GALNT2: variants seen among roughly 807,000 people sequenced by gnomAD.
GALNT2 encodes polypeptide N-acetylgalactosaminyltransferase 2, also known as UDP-GalNAc:polypeptide N-acetylgalactosaminyltransferase 2.
A neutral mutation model predicts 81.4 loss-of-function variants in GALNT2; 31 were observed. The observed-to-expected ratio is 0.38, with a 90% CI of 0.29 to 0.51. The LOEUF (loss-of-function observed/expected upper bound fraction) is 0.51. GALNT2 is among the 20% of genes least tolerant of loss of function. The pLI is 0.87. For missense variants in GALNT2, 629 were observed against 765.7 expected, an observed-to-expected ratio of 0.82 and a Z score of 2.11; for synonymous variants, 303 against 287.4, an observed-to-expected ratio of 1.05 and a Z score of -0.55.
At chr1:230,253,464 C>T (rs1665612643) in intron 10 of GALNT2, among the ~76,000 whole-genome samples, 1 of 152,042 alleles carries the variant, frequency 6.6e-6, no homozygotes. Flanking sequence ...TGTGATGGAC[C>T]CACCCTATTT....
rs1405399961 is a variant in GALNT2, at chr1:230,236,668, G to A, written c.550G>A (p.Gly184Arg). The stretch of plus-strand genomic sequence containing the variant: ...TTCTTTTCTTTTCCTAGCTGAGGAC[G>A]GGGCTCTCTTGGGGAAAATTGAGAA... Reference protein sequence around the residue: ...VDDYSNDPEDGALLGKIEKVR... With the variant: ...VDDYSNDPEDRALLGKIEKVR... The change falls in exon 6 of 16, where the codon GGG (glycine) becomes AGG (arginine). Residue 184 changes from glycine to arginine, a missense_variant. Physicochemically the swap from Gly to Arg is moderately radical, Grantham distance 125. Transcript: ENST00000366672. 2 of 1,612,772 alleles carry A rather than the reference G, an allele frequency of 1.2e-6. No homozygotes were observed. Among genetic ancestry groups the A allele is most frequent in the Non-Finnish European group, 8.5e-7 (1 of 1,179,676 alleles).
chr1:230,100,791 A>G (rs551588669), intron 1 of GALNT2, among the ~76,000 whole-genome samples: 7 of 152,246 alleles, frequency 4.6e-5, no homozygotes, highest in African/African-American at 1.2e-4. Context: ...ATGTGTGTAT[A>G]TGTACATATA....
intron 1 of GALNT2, among the ~76,000 whole-genome samples, chr1:230,112,206 CAT>C (rs10609522): frequency 0.22 from 32,766 of 152,080 alleles, 3,695 homozygotes; most frequent in South Asian, 0.28. Flanking sequence ...GCCCAGGACT[CAT>C]GTGTCTACCT....
At chr1:230,115,128 C>CACTAGGTGCATTACAAG (rs1193067704) in intron 1 of GALNT2, among the ~76,000 whole-genome samples, 2 of 151,866 alleles carry the variant, frequency 1.3e-5, no homozygotes, top group African/African-American at 4.8e-5. Context: ...GCCTCAGCCT[C>CACTAGGTGCATTACAAG]CTAAGTAGGT....
intron 3 of GALNT2, among the ~76,000 whole-genome samples, chr1:230,217,814 G>A (rs935203939): frequency 9.2e-5 from 14 of 152,276 alleles, no homozygotes; most frequent in African/African-American, 3.1e-4. Flanking sequence ...CCCTTTTAAA[G>A]GGTCTTCATT....
chr1:230,111,292 A>G (rs1220738477), intron 1 of GALNT2, among the ~76,000 whole-genome samples: 1 of 152,242 alleles, frequency 6.6e-6, no homozygotes, highest in Non-Finnish European at 1.5e-5. Context: ...CTTACATGCA[A>G]GCCTACGATA....
At chr1:230,188,427 C>T (rs611701) in intron 2 of GALNT2, among the ~76,000 whole-genome samples, 34,759 of 152,030 alleles carry the variant, frequency 0.23, 4,799 homozygotes, top group African/African-American at 0.38. Flanking sequence ...GGATGATGGC[C>T]GGGAGCTCTA....
intron 3 of GALNT2, among the ~76,000 whole-genome samples, chr1:230,223,846 T>C (rs1235643080): frequency 6.6e-6 from 1 of 152,188 alleles, no homozygotes; most frequent in Non-Finnish European, 1.5e-5. Flanking sequence ...TCCTAAAATG[T>C]CACCCTCCAC....
rs1408126558 is a variant in GALNT2, at chr1:230,243,251, T to C, written c.608-55T>C. ...GAGGCGTCGCCGGTTGGCATGGGGT[T>C]GTGCTGGCCCTGTGGCTTCTCTCTC... On this transcript the variant is annotated intron_variant, in intron 6 of 15. Coordinates refer to ENST00000366672, the MANE Select transcript of GALNT2 (RefSeq NM_004481.5). The surrounding 1 kb of genome is among the most constrained non-coding windows in gnomAD (Gnocchi z 4.2). 1 of 1,538,876 alleles carries C rather than the reference T, an allele frequency of 6.5e-7. No individual in the cohort carries two copies. Among genetic ancestry groups the C allele is most frequent in the East Asian group, 2.4e-5 (1 of 42,412 alleles).
At chr1:230,232,444 A>G (rs1286412869) in intron 3 of GALNT2, among the ~76,000 whole-genome samples, 1 of 152,230 alleles carries the variant, frequency 6.6e-6, no homozygotes, top group East Asian at 1.9e-4. Context: ...CTTCCTGCAG[A>G]GAAAAGGAAA....
chr1:230,146,594 A>C (rs1488037783), intron 1 of GALNT2, among the ~76,000 whole-genome samples: 1 of 152,154 alleles, frequency 6.6e-6, no homozygotes, highest in African/African-American at 2.4e-5. Flanking sequence ...TCAGTATTAG[A>C]TGAGAAAGGA....
intron 1 of GALNT2, among the ~76,000 whole-genome samples, chr1:230,157,300 G>T (rs1407510665): frequency 2.0e-5 from 3 of 152,150 alleles, no homozygotes; most frequent in African/African-American, 7.2e-5. Flanking sequence ...ATACACCTAG[G>T]GGAGTGGCTT....
chr1:230,067,487 G>A, intron 1 of GALNT2, 81 bp downstream of exon 1: 1 of 479,666 alleles, frequency 2.1e-6, no homozygotes, highest in East Asian at 5.1e-5. Flanking sequence ...TCTCCGCGCC[G>A]CCCCTGCGCT....
intron 7 of GALNT2, 66 bp from the exon 8 acceptor site, chr1:230,245,984 AATACTAATGCCTT>A (rs1665356138): frequency 7.4e-6 from 9 of 1,213,626 alleles, no homozygotes; most frequent in Non-Finnish European, 1.1e-5. Context: ...GTGCCTGCCT[AATACTAATGCCTT>A]CTGTGGTTGG....
At chr1:230,216,447 A>G (rs200002441) in intron 3 of GALNT2, among the ~76,000 whole-genome samples, 3 of 152,322 alleles carry the variant, frequency 2.0e-5, no homozygotes, top group East Asian at 3.9e-4. Context: ...GTAACTGACA[A>G]TTCACATATA....
chr1:230,221,904 A>G (rs1646790587), intron 3 of GALNT2, among the ~76,000 whole-genome samples: 1 of 152,012 alleles, frequency 6.6e-6, no homozygotes, highest in Non-Finnish European at 1.5e-5. Flanking sequence ...TATTAATTAT[A>G]AACTTTTCAT....
chr1:230,195,152 A>AG (rs1476502811), intron 2 of GALNT2, among the ~76,000 whole-genome samples: 1 of 152,262 alleles, frequency 6.6e-6, no homozygotes, highest in Non-Finnish European at 1.5e-5. Flanking sequence ...AGGTCAAGAC[A>AG]GGGAGGGCAC....
At chr1:230,203,325 T>C (rs1010992401) in intron 3 of GALNT2, 35 bp downstream of exon 3, 3 of 1,607,108 alleles carry the variant, frequency 1.9e-6, no homozygotes, top group Non-Finnish European at 2.6e-6. Context: ...TGCAGCTTCA[T>C]TTGCTTTCAC....
chr1:230,075,795 C>T lies in GALNT2; in HGVS notation c.126+8389C>T, dbSNP rs188040007. Among the ~76,000 whole-genome samples the T allele has an allele frequency of 1.1e-3, 160 of 152,156 alleles. 1 individual carries two copies. Among genetic ancestry groups the T allele is most frequent in the Non-Finnish European group, 4.6e-4 (31 of 68,004 alleles). On this transcript the variant is annotated intron_variant, in intron 1 of 15. Coordinates refer to ENST00000366672, the MANE Select transcript of GALNT2 (RefSeq NM_004481.5). ...AGTGTATGGGGATTAGGGATGAGGG[C>T]GGAAGGATAGTTGCAGTATTAAAGT...
Sources: gnomAD v4.1 joint callset for allele counts (sites outside exome capture counted in the v4.1 genomes callset) on GRCh38, gnomAD v4.1.1 for gene constraint, Gnocchi (gnomAD v3.1) non-coding constraint, MANE v1.5 for transcripts, NCBI Gene and HGNC (gene_info 2026-07-23, HGNC 2026-07-21) for gene names.